ARL13B: variants seen among roughly 807,000 people sequenced by gnomAD.
The protein encoded by ARL13B is ADP-ribosylation factor-like protein 13B.
In ARL13B, 36 loss-of-function variants were observed where a neutral mutation model predicts 56.1. That is an observed-to-expected ratio of 0.64 (90% CI 0.49 to 0.85). ARL13B has a LOEUF of 0.85. ARL13B is among the 40% of genes least tolerant of loss of function. The pLI, the probability that ARL13B is intolerant of heterozygous loss-of-function variation, is 0.00. For synonymous variants in ARL13B, 178 were observed against 171.1 expected, an observed-to-expected ratio of 1.04 and a Z score of -0.32; for missense variants, 519 against 507.1, an observed-to-expected ratio of 1.02 and a Z score of -0.23.
chr3:94,015,875 G>A (rs557748776), intron 3 of ARL13B, among the ~76,000 whole-genome samples: 114 of 152,254 alleles, frequency 7.5e-4, no homozygotes, highest in African/African-American at 2.7e-3. Flanking sequence ...TTGCATATAT[G>A]TGAAAACATT....
At chr3:94,044,067 C>T (rs2076926678) in intron 7 of ARL13B, among the ~76,000 whole-genome samples, 1 of 152,170 alleles carries the variant, frequency 6.6e-6, no homozygotes, top group Non-Finnish European at 1.5e-5. Flanking sequence ...CAGCCTCTGC[C>T]TGCCCGCCAC....
chr3:94,024,231 T>G (rs1253404606), intron 3 of ARL13B, among the ~76,000 whole-genome samples: 1 of 152,194 alleles, frequency 6.6e-6, no homozygotes, highest in African/African-American at 2.4e-5. Context: ...GACTATGAAT[T>G]CTTAAAAATA....
At chr3:93,993,106 G>A (rs1330235412) in intron 1 of ARL13B, among the ~76,000 whole-genome samples, 1 of 151,166 alleles carries the variant, frequency 6.6e-6, no homozygotes, top group African/African-American at 2.4e-5. Context: ...GGCCTGACCT[G>A]GCTTGTTTTA....
chr3:94,018,730 A>G (rs192295658), intron 3 of ARL13B, among the ~76,000 whole-genome samples: 155 of 151,876 alleles, frequency 1.0e-3, no homozygotes, highest in South Asian at 1.7e-3. Flanking sequence ...TGGCAACTCT[A>G]TTTTTCCAGT....
chr3:93,987,249 T>C (rs1710517150), intron 1 of ARL13B, among the ~76,000 whole-genome samples: 1 of 151,966 alleles, frequency 6.6e-6, no homozygotes, highest in South Asian at 2.1e-4. Flanking sequence ...TGTCTTGGCC[T>C]CCCAAAGTAC....
At position 94,035,410 on chromosome 3, in the gene ARL13B, A is replaced by G. The variant is rs776221721; in HGVS notation, c.460A>G (p.Asn154Asp). 3 of 1,605,384 alleles carry G rather than the reference A, an allele frequency of 1.9e-6. No individual in the cohort carries two copies. Among genetic ancestry groups the G allele is most frequent in the Non-Finnish European group, 2.5e-6 (3 of 1,177,348 alleles). ...ATGTCTATCTCTGGAAAAATTGGTC[A>G]ATGAGCACAAGTGCCTGTGTCAGAT... ...IECLSLEKLVNEHKCLCQIEP... is the reference protein window; with the variant it reads ...IECLSLEKLVDEHKCLCQIEP... Residue 154 changes from asparagine to aspartate, a missense_variant, in exon 4 of 10, where the codon AAT becomes GAT. By Grantham distance (23) the Asn-to-Asp change is conservative. Transcript: ENST00000394222.
intron 3 of ARL13B, among the ~76,000 whole-genome samples, chr3:94,004,906 T>C (rs1306196762): frequency 1.3e-5 from 2 of 152,140 alleles, no homozygotes; most frequent in Non-Finnish European, 2.9e-5. Context: ...GAGAGAACTT[T>C]GCAGAACCCC....
chr3:94,004,084 G>C (rs968073793), intron 3 of ARL13B, among the ~76,000 whole-genome samples, 176 bp downstream of exon 3: 2 of 152,006 alleles, frequency 1.3e-5, no homozygotes, highest in African/African-American at 4.8e-5. Context: ...CTGTCTATAG[G>C]GGAAAAGGGC....
At chr3:94,046,562 T>A (rs2076987896) in intron 7 of ARL13B, among the ~76,000 whole-genome samples, 1 of 152,170 alleles carries the variant, frequency 6.6e-6, no homozygotes, top group Admixed American at 6.5e-5. Flanking sequence ...GTACCGTACT[T>A]TGCTTATCTA....
intron 1 of ARL13B, among the ~76,000 whole-genome samples, chr3:93,983,893 A>G (rs558281304): frequency 7.5e-4 from 114 of 152,318 alleles, no homozygotes; most frequent in African/African-American, 2.7e-3. Context: ...CCTTGCCAGC[A>G]CAGACAGAAA....
intron 5 of ARL13B, 152 bp from the exon 6 acceptor site, chr3:94,039,728 C>T: frequency 1.6e-6 from 1 of 633,740 alleles, no homozygotes; most frequent in Non-Finnish European, 2.7e-6. Flanking sequence ...CTCTTACCTG[C>T]ATAAGGATTT....
At chr3:94,048,380 A>G (rs2077014920) in intron 7 of ARL13B, among the ~76,000 whole-genome samples, 1 of 152,184 alleles carries the variant, frequency 6.6e-6, no homozygotes, top group Non-Finnish European at 1.5e-5. Flanking sequence ...TTAGTTAACT[A>G]CTATGTCATC....
intron 3 of ARL13B, among the ~76,000 whole-genome samples, chr3:94,026,021 CTTTT>C (rs548770030): frequency 1.4e-5 from 2 of 140,290 alleles, no homozygotes; most frequent in Non-Finnish European, 3.1e-5. Context: ...GAAAACTTCT[CTTTT>C]TTTTTTTTTT....
chr3:94,043,270 T>A (rs759912386), intron 7 of ARL13B, 30 bp downstream of exon 7: 26 of 1,553,080 alleles, frequency 1.7e-5, no homozygotes, highest in Non-Finnish European at 2.2e-5. Flanking sequence ...AAAGTAATTA[T>A]CTTATGTATA....
chr3:94,003,877 C>T lies in ARL13B; in HGVS notation c.349C>T (p.His117Tyr). The T allele has an allele frequency of 6.2e-7, 1 of 1,613,396 alleles. No individual in the cohort carries two copies. The highest frequency in any genetic ancestry group is 8.5e-7 in the Non-Finnish European group (1 of 1,179,580). Residue 117 changes from histidine to tyrosine, a missense_variant, in exon 3 of 10, where the codon CAT becomes TAT. Transcript: ENST00000394222. ...AGAGGCTATGTCAGAAATGCTAAGACATCCTAGGATATCGGGAAAGCCTAT... is the reference window on the plus strand; with the variant it reads ...AGAGGCTATGTCAGAAATGCTAAGATATCCTAGGATATCGGGAAAGCCTAT... ...TKEAMSEMLRHPRISGKPILV... is the reference protein window; with the variant it reads ...TKEAMSEMLRYPRISGKPILV...
At chr3:94,038,067 C>T (rs951810594) in intron 5 of ARL13B, among the ~76,000 whole-genome samples, 1 of 152,164 alleles carries the variant, frequency 6.6e-6, no homozygotes, top group African/African-American at 2.4e-5. Flanking sequence ...CTAATTGGTT[C>T]AGATAGTCAT....
At chr3:93,991,243 A>G (rs2075870428) in intron 1 of ARL13B, among the ~76,000 whole-genome samples, 2 of 152,208 alleles carry the variant, frequency 1.3e-5, no homozygotes, top group African/African-American at 4.8e-5. Context: ...TTGAAGGGCT[A>G]ATGTATTTGA....
intron 5 of ARL13B, among the ~76,000 whole-genome samples, 177 bp from the exon 6 acceptor site, chr3:94,039,703 A>G (rs942004428): frequency 8.5e-5 from 13 of 152,128 alleles, no homozygotes; most frequent in African/African-American, 3.1e-4. Flanking sequence ...TAGTCTTTAC[A>G]TGGGAGGAAG....
intron 3 of ARL13B, among the ~76,000 whole-genome samples, chr3:94,010,383 A>G (rs1026476712): frequency 6.6e-6 from 1 of 152,118 alleles, no homozygotes; most frequent in Non-Finnish European, 1.5e-5. Context: ...CTAATGTTTC[A>G]AAGTATTTCA....
Sources: gnomAD v4.1 joint callset for allele counts (sites outside exome capture counted in the v4.1 genomes callset) on GRCh38, gnomAD v4.1.1 for gene constraint, MANE v1.5 for transcripts, NCBI Gene and HGNC (gene_info 2026-07-23, HGNC 2026-07-21) for gene names.